The following SPARCL1 variants were observed in gnomAD, a reference collection of about 807,000 sequenced individuals.
SPARCL1 encodes SPARC like 1.
Under a neutral mutation model 67.1 loss-of-function variants are expected in SPARCL1, and 52 were observed. The ratio of observed to expected loss-of-function variants is 0.78; its 90% CI spans 0.62 to 0.98. The LOEUF is 0.98. Among genes scored for constraint, SPARCL1 ranks in the 50% least tolerant of loss-of-function variants. The probability of loss-of-function intolerance (pLI) is 0.00; values close to 1 mark genes in which losing one functional copy is unlikely to be tolerated. For synonymous variants in SPARCL1, 226 were observed against 267.8 expected (o/e 0.84, Z 1.52); for missense variants, 717 against 782.4 (o/e 0.92, Z 1.00).
Position 87,490,835 on chromosome 4 carries a change from C to T in SPARCL1, c.1335G>A (p.Lys445=). ...AGTGAGGTTTTCCCTGTTGGTCTGC[C>T]TTACAGATGTGGCCTCTTTTACACT... ...SFQCKRGHIC[K]ADQQGKPHCV... The change falls in exon 6 of 11, where the codon AAG becomes AAA. Residue 445 remains lysine, a synonymous_variant. Transcript: ENST00000282470. The T allele has an allele frequency of 3.1e-6, 5 of 1,612,164 alleles. No homozygotes were observed. The highest frequency in any genetic ancestry group is 4.2e-6 in the Non-Finnish European group (5 of 1,179,046).
At chr4:87,491,939 TACCCA>T (rs1332385444) in intron 4 of SPARCL1, among the ~76,000 whole-genome samples, 1 of 21,316 alleles carries the variant, frequency 4.7e-5, no homozygotes, top group African/African-American at 3.3e-4. Flanking sequence ...ACTCCATCTC[TACCCA>T]CCCCCCCCCC....
intron 1 of SPARCL1, among the ~76,000 whole-genome samples, chr4:87,509,800 T>A (rs1300471631): frequency 1.3e-5 from 2 of 152,240 alleles, no homozygotes; most frequent in Non-Finnish European, 2.9e-5. Flanking sequence ...CATGTGTGTA[T>A]GTCTGTGTGT....
intron 7 of SPARCL1, among the ~76,000 whole-genome samples, chr4:87,486,468 T>G (rs553097047): frequency 1.3e-5 from 2 of 152,112 alleles, no homozygotes; most frequent in South Asian, 4.2e-4. Context: ...TGCTGAGGAG[T>G]TTTTACTTTC....
At position 87,527,242 on chromosome 4, in the gene SPARCL1, A is replaced by C. The variant is rs549580983; in HGVS notation, c.-12+1803T>G. 3.0e-4 allele frequency among the ~76,000 whole-genome samples: 45 copies of C among 152,230 alleles called. No individual in the cohort carries two copies. In the Middle Eastern group the frequency reaches 0.014, roughly 46 times the overall value. Reference sequence around the variant, plus strand: ...GAAGATGCCCTGTGAGCCCCGTAAGAAACAGACCCTGGCCTGGTTGGACAT... The same window carrying C: ...GAAGATGCCCTGTGAGCCCCGTAAGCAACAGACCCTGGCCTGGTTGGACAT... On this transcript the variant is annotated intron_variant, in intron 1 of 10. Transcript: ENST00000282470.
intron 7 of SPARCL1, among the ~76,000 whole-genome samples, chr4:87,486,045 T>G (rs1322038564): frequency 6.6e-6 from 1 of 152,216 alleles, no homozygotes; most frequent in Admixed American, 6.5e-5. Flanking sequence ...TTTTGAAGGG[T>G]TTTTCGTGTC....
chr4:87,504,135 TTGTG>T (rs70957258), intron 1 of SPARCL1, among the ~76,000 whole-genome samples: 1,229 of 30,922 alleles, frequency 0.04, 43 homozygotes, highest in African/African-American at 0.077. Context: ...TGATTTGGTA[TTGTG>T]TGTGTGTGTG....
At chr4:87,488,280 G>T (rs970373249) in intron 7 of SPARCL1, among the ~76,000 whole-genome samples, 4 of 152,144 alleles carry the variant, frequency 2.6e-5, no homozygotes, top group African/African-American at 4.8e-5. Flanking sequence ...TGGGGTTTTT[G>T]TGTGGATATC....
chr4:87,479,607 A>G (rs1723724832), intron 9 of SPARCL1, 29 bp from the exon 10 acceptor site: 2 of 1,609,288 alleles, frequency 1.2e-6, no homozygotes, highest in Non-Finnish European at 8.5e-7. Context: ...CATCCTATTA[A>G]TTGAGTAGCT....
rs763022140 is a variant in SPARCL1 at position 87,473,767 on chromosome 4, A to G, written c.*8T>C. 3.7e-6 allele frequency: 6 copies of G among 1,606,244 alleles called. No individual in the cohort carries two copies. The highest frequency in any genetic ancestry group is 3.3e-5 in the South Asian group (3 of 90,448). On this transcript the variant is annotated 3_prime_UTR_variant, in exon 11 of 11. Transcript: ENST00000282470. ...ATGCTGGAAAGTTGAGTTCTTTAAA[A>G]TCTTCGTTCAAAACAAGAGATTTTC...
chr4:87,477,418 A>T (rs918043988), intron 10 of SPARCL1, among the ~76,000 whole-genome samples: 2 of 152,118 alleles, frequency 1.3e-5, no homozygotes, highest in Non-Finnish European at 2.9e-5. Flanking sequence ...TTGACATCCA[A>T]CCCCCTGTGG....
chr4:87,480,172 T>TTTA (rs1477486683), intron 9 of SPARCL1, among the ~76,000 whole-genome samples, 200 bp downstream of exon 9: 1 of 152,078 alleles, frequency 6.6e-6, no homozygotes, highest in South Asian at 2.1e-4. Context: ...TTCAGACTTT[T>TTTA]TTATTATTAT....
intron 7 of SPARCL1, among the ~76,000 whole-genome samples, chr4:87,488,537 C>T (rs1200550399): frequency 6.6e-6 from 1 of 152,198 alleles, no homozygotes; most frequent in Non-Finnish European, 1.5e-5. Context: ...TCGACCCCTG[C>T]TGGGAGGTTT....
chr4:87,494,347 A>G lies in SPARCL1; in HGVS notation c.453T>C (p.Ser151=), dbSNP rs1724519552. ...LAPGVSSFTD[S]NQQESITKRE... Reference sequence around the variant, plus strand: ...TCTTTGTGATACTTTCTTGTTGGTTAGAATCTGTGAAGGAACTAACACCAG... The same window carrying G: ...TCTTTGTGATACTTTCTTGTTGGTTGGAATCTGTGAAGGAACTAACACCAG... The change falls in exon 4 of 11, where the codon TCT becomes TCC. Residue 151 remains serine, a synonymous_variant. Transcript: ENST00000282470. 3.7e-6 allele frequency: 6 copies of G among 1,614,010 alleles called. No homozygotes were observed. Among genetic ancestry groups the G allele is most frequent in the Non-Finnish European group, 5.1e-6 (6 of 1,180,046 alleles).
At chr4:87,485,335 T>C (rs1724005219) in intron 7 of SPARCL1, among the ~76,000 whole-genome samples, 1 of 152,222 alleles carries the variant, frequency 6.6e-6, no homozygotes, top group South Asian at 2.1e-4. Context: ...ATGTGGTTTT[T>C]GTCATTAGTT....
intron 1 of SPARCL1, among the ~76,000 whole-genome samples, chr4:87,506,771 TATCTATCTATC>T (rs1339082418): frequency 0.049 from 2,578 of 52,744 alleles, 37 homozygotes; most frequent in East Asian, 0.28. Context: ...TCTATATCTC[TATCTATCTATC>T]ATCTATCTAT....
intron 10 of SPARCL1, among the ~76,000 whole-genome samples, chr4:87,474,908 A>G (rs1035024213): frequency 1.3e-5 from 2 of 150,942 alleles, no homozygotes; most frequent in Admixed American, 6.6e-5. Flanking sequence ...ACGCCCGGCT[A>G]ATTTTTTGTA....
intron 1 of SPARCL1, among the ~76,000 whole-genome samples, chr4:87,512,326 T>A (rs1725398412): frequency 6.6e-6 from 1 of 152,044 alleles, no homozygotes. Context: ...AAATTGAAGA[T>A]AAAGGGTAAG....
In SPARCL1 at chr4:87,493,685, T is replaced by G; in HGVS notation, c.1115A>C (p.Glu372Ala). Residue 372 changes from glutamate to alanine, a missense_variant, in exon 4 of 11, where the codon GAG (glutamate) becomes GCG (alanine). Coordinates refer to ENST00000282470, the MANE Select transcript of SPARCL1 (RefSeq NM_004684.6). ...GTGATAGGCAATGGATTGAGCTCTC[T>G]CGGCCTCCAGAAAGGCCTGGCTTGG... ...FIPSQAFLEA[E>A]RAQSIAYHLK... is the part of the protein sequence containing the mutation. 1 of 1,614,158 alleles carries G rather than the reference T, an allele frequency of 6.2e-7. No individual in the cohort carries two copies. The highest frequency in any genetic ancestry group is 8.5e-7 in the Non-Finnish European group (1 of 1,180,026).
intron 1 of SPARCL1, among the ~76,000 whole-genome samples, chr4:87,506,704 A>G (rs980201171): frequency 3.9e-5 from 6 of 152,120 alleles, no homozygotes; most frequent in Non-Finnish European, 8.8e-5. Flanking sequence ...TGGCTTTCCA[A>G]TTTGCTGACT....
Sources: allele counts gnomAD v4.1 joint callset (sites outside exome capture counted in the v4.1 genomes callset), GRCh38; gene constraint gnomAD v4.1.1; transcripts MANE v1.5; gene names NCBI Gene and HGNC (gene_info 2026-07-23, HGNC 2026-07-21).